PINX1: variants seen among roughly 807,000 people sequenced by gnomAD.
PINX1 encodes the protein PIN2/TERF1-interacting telomerase inhibitor 1.
In PINX1, 34 loss-of-function variants were observed where a neutral mutation model predicts 25.4. The observed-to-expected ratio is 1.34, with a 90% CI of 1.02 to 1.78. The LOEUF is 1.78. PINX1 is among the 40% of genes most tolerant of loss of function. PINX1 has a pLI of 0.00. For synonymous variants in PINX1, 197 were observed against 147.7 expected, an observed-to-expected ratio of 1.33 and a Z score of -2.42; for missense variants, 592 against 404.9, an observed-to-expected ratio of 1.46 and a Z score of -3.97.
chr8:10,808,176 T>C (rs752000241), intron 6 of PINX1, among the ~76,000 whole-genome samples: 1 of 152,242 alleles, frequency 6.6e-6, no homozygotes, highest in Non-Finnish European at 1.5e-5. Context: ...CTAATCATTA[T>C]ACAATACAAT....
At chr8:10,801,037 T>A (rs763626324) in intron 6 of PINX1, among the ~76,000 whole-genome samples, 1 of 152,194 alleles carries the variant, frequency 6.6e-6, no homozygotes, top group Non-Finnish European at 1.5e-5. Flanking sequence ...AGATGGATAA[T>A]GGAGTAGAAG....
chr8:10,781,215 A>T (rs1414804563), intron 6 of PINX1, among the ~76,000 whole-genome samples: 1 of 152,194 alleles, frequency 6.6e-6, no homozygotes, highest in African/African-American at 2.4e-5. Context: ...TGGATTAAAG[A>T]CCTAAACATA....
At chr8:10,801,382 C>A (rs10097531) in intron 6 of PINX1, among the ~76,000 whole-genome samples, 2 of 152,218 alleles carry the variant, frequency 1.3e-5, no homozygotes, top group South Asian at 2.1e-4. Flanking sequence ...AAAGAGTCTC[C>A]AAGTACTTTC....
At chr8:10,820,860 G>A (rs1051766461) in intron 5 of PINX1, among the ~76,000 whole-genome samples, 1 of 152,182 alleles carries the variant, frequency 6.6e-6, no homozygotes, top group Non-Finnish European at 1.5e-5. Context: ...TTCTTAAAAT[G>A]TTCTTTACTG....
chr8:10,811,733 C>T (rs568286845), intron 6 of PINX1, among the ~76,000 whole-genome samples: 9 of 152,272 alleles, frequency 5.9e-5, no homozygotes, highest in South Asian at 4.2e-4. Flanking sequence ...TGCCTGGGCA[C>T]CGGGCCTCCT....
intron 6 of PINX1, among the ~76,000 whole-genome samples, chr8:10,813,232 G>T (rs79474070): frequency 1.8e-3 from 271 of 152,258 alleles, no homozygotes; most frequent in Non-Finnish European, 3.3e-3. Flanking sequence ...TGGAGTGGGG[G>T]GAGGGTAGAG....
intron 6 of PINX1, 83 bp from the exon 7 acceptor site, chr8:10,765,999 G>T: frequency 7.3e-7 from 1 of 1,371,874 alleles, no homozygotes; most frequent in Non-Finnish European, 1.0e-6. Flanking sequence ...CACACCCGGC[G>T]CTCACACCTG....
intron 6 of PINX1, among the ~76,000 whole-genome samples, chr8:10,807,689 T>C (rs527453161): frequency 7.2e-5 from 11 of 152,236 alleles, no homozygotes; most frequent in African/African-American, 2.6e-4. Flanking sequence ...ACCTTCAAAA[T>C]GCTGAAGGAA....
Position 10,831,707 on chromosome 8 carries a change from G to C in PINX1, c.259C>G (p.Leu87Val). Residue 87 changes from leucine to valine, a missense_variant, in exon 4 of 7, where the codon CTT (leucine) becomes GTT (valine). By Grantham distance (32) the Leu-to-Val change is conservative. Transcript: ENST00000314787. ...TGGCAAGTGTTCAGTTCGGCCAGAA[G>C]CTGGTTAAAATCATCCTGATGGGCA... ...WIAHQDDFNQ[L>V]LAELNTCHGQ... The C allele has an allele frequency of 1.2e-6, 2 of 1,602,446 alleles. No individual in the cohort carries two copies. The highest frequency in any genetic ancestry group is 1.7e-6 in the Non-Finnish European group (2 of 1,173,184).
Position 10,820,286 on chromosome 8 carries a change from A to T in PINX1, c.395-17T>A. ...GATCCTTCCCTAGAAAAACAATGTG[A>T]TGCTTTTCAGTAAGACTGTTCTTCC... is the stretch of plus-strand genomic sequence containing the variant. On this transcript the variant is annotated splice_polypyrimidine_tract_variant and intron_variant, in intron 5 of 6. Transcript: ENST00000314787. 1 of 1,562,952 alleles carries T rather than the reference A, an allele frequency of 6.4e-7. No homozygotes were observed. The highest frequency in any genetic ancestry group is 8.8e-7 in the Non-Finnish European group (1 of 1,134,750).
intron 6 of PINX1, among the ~76,000 whole-genome samples, chr8:10,767,806 C>A (rs1256670961): frequency 1.3e-4 from 10 of 74,920 alleles, no homozygotes; most frequent in Admixed American, 2.7e-4. Context: ...CACAGCCACA[C>A]AGAGACAGGC....
In PINX1 at chr8:10,800,263, T is replaced by C. The variant is rs1586168016; in HGVS notation, c.471+19930A>G. On this transcript the variant is annotated intron_variant, in intron 6 of 6. Coordinates refer to ENST00000314787, the MANE Select transcript of PINX1 (RefSeq NM_017884.6). ...AACAAGAACACTGCGTATGTATAAA[T>C]GAACTTGTCCGACTTAAGAGTCAAC... 3.3e-5 allele frequency among the ~76,000 whole-genome samples: 5 copies of C among 152,366 alleles called. No individual in the cohort carries two copies. In the East Asian group the frequency reaches 7.7e-4, roughly 23 times the overall value.
intron 6 of PINX1, among the ~76,000 whole-genome samples, chr8:10,801,986 G>C (rs1288991614): frequency 6.6e-6 from 1 of 152,156 alleles, no homozygotes; most frequent in African/African-American, 2.4e-5. Context: ...CCCCGCAATG[G>C]AGAAGCAGAA....
Position 10,808,464 on chromosome 8 carries a change from C to G in PINX1, c.471+11729G>C, listed in dbSNP as rs189158668. Among the ~76,000 whole-genome samples, 6 of 152,296 alleles carry G rather than the reference C, an allele frequency of 3.9e-5. No individual in the cohort carries two copies. In the East Asian group the frequency reaches 9.6e-4, roughly 24 times the overall value. On this transcript the variant is annotated intron_variant, in intron 6 of 6. Transcript: ENST00000314787. ...GTATATTACTTTGATTAAAAAATAA[C>G]AAGCATTTAACACATAATCGCTATC...
chr8:10,785,296 GGAA>G (rs1801713273), intron 6 of PINX1, among the ~76,000 whole-genome samples: 4 of 152,296 alleles, frequency 2.6e-5, no homozygotes, highest in Admixed American at 2.0e-4. Context: ...ATTATTCTAT[GGAA>G]GGATTGGCGT....
chr8:10,814,129 G>T (rs1320286815), intron 6 of PINX1, among the ~76,000 whole-genome samples: 1 of 152,140 alleles, frequency 6.6e-6, no homozygotes, highest in Non-Finnish European at 1.5e-5. Context: ...TGTCTCCACA[G>T]AAAGTGCATA....
intron 6 of PINX1, among the ~76,000 whole-genome samples, chr8:10,792,404 T>G (rs1237619501): frequency 2.6e-5 from 4 of 152,044 alleles, no homozygotes; most frequent in Non-Finnish European, 5.9e-5. Flanking sequence ...CGTGCACACC[T>G]TGCCTCCAGC....
chr8:10,782,666 G>A (rs988001038), intron 6 of PINX1, among the ~76,000 whole-genome samples: 1 of 152,142 alleles, frequency 6.6e-6, no homozygotes, highest in Non-Finnish European at 1.5e-5. Context: ...AATCCAGGAG[G>A]CGGAGGTTGC....
Position 10,782,737 on chromosome 8 carries a change from T to TA in PINX1, c.472-16822dup, listed in dbSNP as rs1298039242. 2.0e-4 allele frequency among the ~76,000 whole-genome samples: 31 copies of TA among 151,444 alleles called. 1 individual carries two copies. Among genetic ancestry groups the TA allele is most frequent in the Admixed American group, 1.5e-3 (23 of 15,236 alleles). On this transcript the variant is annotated intron_variant, in intron 6 of 6. Coordinates refer to ENST00000314787, the MANE Select transcript of PINX1 (RefSeq NM_017884.6). ...GGCAACAAAGTGAGATCTGTCCAGA[T>TA]AAAAAAAAGTACTCAGGAGCCAGAC... is the stretch of plus-strand genomic sequence containing the variant.
Sources: gnomAD v4.1 joint callset for allele counts (sites outside exome capture counted in the v4.1 genomes callset) on GRCh38, gnomAD v4.1.1 for gene constraint, MANE v1.5 for transcripts, NCBI Gene and HGNC (gene_info 2026-07-23, HGNC 2026-07-21) for gene names.